YEATS4: variants seen among roughly 807,000 people sequenced by gnomAD.
YEATS4 encodes the protein YEATS domain containing 4.
YEATS4 carries 17 observed loss-of-function variants against 30.1 expected under a neutral mutation model. The observed-to-expected ratio is 0.56, with a 90% CI of 0.39 to 0.85. The LOEUF (loss-of-function observed/expected upper bound fraction) is 0.85. YEATS4 is among the 40% of genes least tolerant of loss of function. YEATS4 has a pLI of 0.00. For synonymous variants in YEATS4, 85 were observed against 87.5 expected (o/e 0.97, Z 0.16); for missense variants, 142 against 268.3 (o/e 0.53, Z 3.29).
chr12:69,423,290 A>G, the YEATS4 span, among the ~76,000 whole-genome samples: 1 of 152,120 alleles, frequency 6.6e-6, no homozygotes, highest in African/African-American at 2.4e-5. Context: ...ACCGGGCTAA[A>G]CTCTAGAGAT....
At chr12:69,408,225 C>T in the YEATS4 span, among the ~76,000 whole-genome samples, 146 of 152,302 alleles carry the variant, frequency 9.6e-4, 1 homozygote, top group African/African-American at 3.5e-3. Context: ...ATCCTTCGAA[C>T]TTACTAGTGA....
chr12:69,370,431 C>T (rs889825636), intron 4 of YEATS4, among the ~76,000 whole-genome samples: 2 of 152,094 alleles, frequency 1.3e-5, no homozygotes, highest in African/African-American at 2.4e-5. Context: ...ATAGCTTTAT[C>T]TTGTGTTATT....
At chr12:69,416,831 G>A in the YEATS4 span, among the ~76,000 whole-genome samples, 1 of 152,170 alleles carries the variant, frequency 6.6e-6, no homozygotes, top group Non-Finnish European at 1.5e-5. Flanking sequence ...CCAGCACTTC[G>A]GGAGGCCGAG....
At chr12:69,426,712 A>T in the YEATS4 span, among the ~76,000 whole-genome samples, 1 of 152,214 alleles carries the variant, frequency 6.6e-6, no homozygotes, top group African/African-American at 2.4e-5. Context: ...ATGCCAAAAC[A>T]GCACAGGATT....
At chr12:69,387,931 AAAAG>A (rs1868270695) in intron 6 of YEATS4, among the ~76,000 whole-genome samples, 1 of 152,260 alleles carries the variant, frequency 6.6e-6, no homozygotes, top group Non-Finnish European at 1.5e-5. Context: ...AATAATTTGT[AAAAG>A]AATGAAAAGA....
At chr12:69,366,490 T>C (rs1271972607) in intron 4 of YEATS4, among the ~76,000 whole-genome samples, 1 of 152,230 alleles carries the variant, frequency 6.6e-6, no homozygotes, top group African/African-American at 2.4e-5. Flanking sequence ...GTCAAGTCAC[T>C]GCTCAAAAAC....
chr12:69,375,872 G>A (rs1437304732), intron 6 of YEATS4, among the ~76,000 whole-genome samples: 5 of 152,038 alleles, frequency 3.3e-5, no homozygotes, highest in African/African-American at 9.7e-5. Flanking sequence ...GCCTGGGCTC[G>A]GCATCAGAGG....
the YEATS4 span, among the ~76,000 whole-genome samples, chr12:69,411,350 G>A: frequency 6.6e-6 from 1 of 152,068 alleles, no homozygotes; most frequent in Non-Finnish European, 1.5e-5. Context: ...GGCTGGTCTC[G>A]AACTCATGGG....
chr12:69,407,112 G>A, the YEATS4 span, among the ~76,000 whole-genome samples: 1 of 150,846 alleles, frequency 6.6e-6, no homozygotes, highest in Admixed American at 6.6e-5. Flanking sequence ...ACCACACCTG[G>A]CCCAATTTCT....
the YEATS4 span, among the ~76,000 whole-genome samples, chr12:69,413,005 G>GA: frequency 6.6e-6 from 1 of 151,906 alleles, no homozygotes; most frequent in Non-Finnish European, 1.5e-5. Flanking sequence ...TGGAAAGACA[G>GA]AAAAAAAACC....
intron 6 of YEATS4, among the ~76,000 whole-genome samples, chr12:69,380,673 A>C (rs1469703738): frequency 1.3e-5 from 2 of 152,056 alleles, no homozygotes; most frequent in Non-Finnish European, 1.5e-5. Context: ...AGCCAGTATC[A>C]GGGGAAATTC....
intron 6 of YEATS4, among the ~76,000 whole-genome samples, chr12:69,389,892 A>C (rs1868296981): frequency 6.6e-6 from 1 of 152,078 alleles, no homozygotes; most frequent in Non-Finnish European, 1.5e-5. Flanking sequence ...AAAGGACATT[A>C]TGTCTTAAAA....
downstream of YEATS4, among the ~76,000 whole-genome samples, chr12:69,395,761 A>G (rs962013946): frequency 1.3e-5 from 2 of 152,216 alleles, no homozygotes; most frequent in Non-Finnish European, 2.9e-5. Context: ...CCTGTAAATG[A>G]TGTAAGGGAC....
At chr12:69,408,048 A>T in the YEATS4 span, among the ~76,000 whole-genome samples, 5 of 152,264 alleles carry the variant, frequency 3.3e-5, no homozygotes, top group South Asian at 1.0e-3. Context: ...CTCACTGATT[A>T]TTATGAGTTA....
intron 6 of YEATS4, 51 bp from the exon 7 acceptor site, chr12:69,390,096 A>G: frequency 6.9e-7 from 1 of 1,444,802 alleles, no homozygotes; most frequent in Non-Finnish European, 9.3e-7. Flanking sequence ...CCTGTCATAT[A>G]TCTTAAACAT....
the YEATS4 span, among the ~76,000 whole-genome samples, chr12:69,411,680 A>T: frequency 6.6e-6 from 1 of 152,210 alleles, no homozygotes; most frequent in South Asian, 2.1e-4. Flanking sequence ...TGGTCCATGC[A>T]GGCCTTATTG....
intron 6 of YEATS4, among the ~76,000 whole-genome samples, chr12:69,385,811 TCTTAA>T (rs1170550286): frequency 3.9e-5 from 6 of 152,246 alleles, no homozygotes; most frequent in Non-Finnish European, 7.3e-5. Context: ...ACTTTCCATT[TCTTAA>T]CTTATTTAAT....
the YEATS4 span, among the ~76,000 whole-genome samples, chr12:69,416,734 A>C: frequency 6.6e-6 from 1 of 152,222 alleles, no homozygotes; most frequent in African/African-American, 2.4e-5. Context: ...CCCAGTGCTT[A>C]ATTTTAACAA....
chr12:69,398,886 C>G, the YEATS4 span, among the ~76,000 whole-genome samples: 1 of 151,256 alleles, frequency 6.6e-6, no homozygotes, highest in Admixed American at 6.6e-5. Flanking sequence ...TGTGGTGGCT[C>G]ACGCCTGTAA....
Sources: gnomAD v4.1 joint callset for allele counts (sites outside exome capture counted in the v4.1 genomes callset) on GRCh38, gnomAD v4.1.1 for gene constraint, MANE v1.5 for transcripts, NCBI Gene and HGNC (gene_info 2026-07-23, HGNC 2026-07-21) for gene names.